The following C1QTNF3 variants were observed in gnomAD, a reference collection of about 807,000 sequenced individuals.
C1QTNF3 encodes C1q and TNF related 3.
A neutral mutation model predicts 32.6 loss-of-function variants in C1QTNF3; 26 were observed. The observed-to-expected ratio is 0.80, with a 90% CI of 0.58 to 1.11. The LOEUF (loss-of-function observed/expected upper bound fraction) is 1.11. Among genes scored for constraint, C1QTNF3 ranks in the 50% least tolerant of loss-of-function variants. The pLI is 0.00. For synonymous variants in C1QTNF3, 155 were observed against 146.0 expected (o/e 1.06, Z -0.44); for missense variants, 362 against 398.2 (o/e 0.91, Z 0.77).
At chr5:34,142,174 G>A in the C1QTNF3 span, among the ~76,000 whole-genome samples, 7 of 152,220 alleles carry the variant, frequency 4.6e-5, no homozygotes, top group Admixed American at 4.6e-4. Context: ...GCTCATGCCT[G>A]TAATCCCAGC....
chr5:34,023,215 G>T (rs1190907747), intron 5 of C1QTNF3, among the ~76,000 whole-genome samples: 1 of 152,090 alleles, frequency 6.6e-6, no homozygotes, highest in African/African-American at 2.4e-5. Flanking sequence ...CAAAAAACAG[G>T]AAGAATAAAC....
intron 4 of C1QTNF3, 168 bp from the exon 5 acceptor site, chr5:34,024,176 C>T: frequency 1.7e-6 from 1 of 591,520 alleles, no homozygotes; most frequent in Non-Finnish European, 3.0e-6. Context: ...ATATCTACTC[C>T]CCTTCCAAGT....
At chr5:34,148,276 G>A in the C1QTNF3 span, among the ~76,000 whole-genome samples, 1,730 of 138,432 alleles carry the variant, frequency 0.012, 43 homozygotes, top group African/African-American at 0.046. Flanking sequence ...ACGAGGCTGG[G>A]GGAGGGGCGC....
At chr5:34,052,642 G>C in the C1QTNF3 span, among the ~76,000 whole-genome samples, 147 of 152,308 alleles carry the variant, frequency 9.7e-4, 1 homozygote, top group Non-Finnish European at 1.6e-4. Context: ...TTACATGGTT[G>C]TTGTGAAGAT....
the C1QTNF3 span, among the ~76,000 whole-genome samples, chr5:34,139,894 C>T: frequency 6.6e-6 from 1 of 152,182 alleles, no homozygotes; most frequent in African/African-American, 2.4e-5. Flanking sequence ...GAGCAAATCA[C>T]GTAGGTGCTT....
intron 4 of C1QTNF3, among the ~76,000 whole-genome samples, chr5:34,027,868 T>C (rs1754507185): frequency 6.6e-6 from 1 of 151,296 alleles, no homozygotes; most frequent in Non-Finnish European, 1.5e-5. Context: ...ATTTCTAAAA[T>C]ATATTGTTAG....
At chr5:34,233,077 T>C in the C1QTNF3 span, among the ~76,000 whole-genome samples, 1 of 151,338 alleles carries the variant, frequency 6.6e-6, no homozygotes, top group Admixed American at 6.6e-5. Flanking sequence ...CTATTCACTA[T>C]ATTCTAGAAT....
chr5:34,030,950 G>A (rs958975138), intron 3 of C1QTNF3, among the ~76,000 whole-genome samples: 1 of 152,168 alleles, frequency 6.6e-6, no homozygotes, highest in African/African-American at 2.4e-5. Flanking sequence ...AAGGTGGGAG[G>A]AGGGAGAGAA....
At chr5:34,090,499 TACTC>T in the C1QTNF3 span, among the ~76,000 whole-genome samples, 10 of 151,404 alleles carry the variant, frequency 6.6e-5, no homozygotes, top group Non-Finnish European at 1.2e-4. Flanking sequence ...ATAGAGCAGA[TACTC>T]ACCCCCAAAA....
Position 34,019,626 on chromosome 5 carries a change from C to T in C1QTNF3, c.*957G>A, listed in dbSNP as rs1338877976. On this transcript the variant is annotated 3_prime_UTR_variant, in exon 6 of 6. Transcript: ENST00000382065. ...CACATCATCTGCATGAAAATATTTTCACTTTCTGTTAACCATAGTGATTTA... is the reference window on the plus strand; with the variant it reads ...CACATCATCTGCATGAAAATATTTTTACTTTCTGTTAACCATAGTGATTTA... The T allele has an allele frequency of 6.6e-6, 1 of 152,190 alleles. No individual in the cohort carries two copies. Among genetic ancestry groups the T allele is most frequent in the Non-Finnish European group, 1.5e-5 (1 of 68,032 alleles). The allele number at this position is 152,190 out of a possible 1,614,324, so 9.4% of individuals were successfully genotyped here. A position where few individuals can be genotyped will look rare whatever the true frequency, so the allele number is the denominator to read the frequency against.
chr5:34,164,845 A>G, the C1QTNF3 span: 1 of 141,468 alleles, frequency 7.1e-6, no homozygotes, highest in Non-Finnish European at 1.6e-5. Flanking sequence ...CACACACACG[A>G]AAAGCCTGTA....
At chr5:34,147,193 C>T in the C1QTNF3 span, among the ~76,000 whole-genome samples, 15 of 152,156 alleles carry the variant, frequency 9.9e-5, no homozygotes, top group African/African-American at 1.9e-4. Flanking sequence ...ATAGGGAATG[C>T]GCATACACTG....
chr5:34,056,716 G>A, the C1QTNF3 span, among the ~76,000 whole-genome samples: 2 of 151,646 alleles, frequency 1.3e-5, no homozygotes, highest in African/African-American at 4.8e-5. Flanking sequence ...TCACTATGTT[G>A]CCCAGGCTAG....
At chr5:34,231,701 G>GAAA in the C1QTNF3 span, among the ~76,000 whole-genome samples, 1 of 152,008 alleles carries the variant, frequency 6.6e-6, no homozygotes, top group African/African-American at 2.4e-5. Context: ...TTGAGGTTTG[G>GAAA]GAACCTCCAT....
chr5:34,239,701 C>T, the C1QTNF3 span, among the ~76,000 whole-genome samples: 2 of 152,198 alleles, frequency 1.3e-5, no homozygotes, highest in African/African-American at 4.8e-5. Context: ...GAGACTTCAA[C>T]ACCCCCGCTG....
chr5:34,021,967 A>G (rs1379342498), intron 5 of C1QTNF3, among the ~76,000 whole-genome samples: 2 of 152,226 alleles, frequency 1.3e-5, no homozygotes, highest in East Asian at 3.8e-4. Context: ...AATCAAGTAG[A>G]CACAGCTGTG....
the C1QTNF3 span, among the ~76,000 whole-genome samples, chr5:34,052,404 T>C: frequency 6.6e-6 from 1 of 152,238 alleles, no homozygotes; most frequent in Non-Finnish European, 1.5e-5. Flanking sequence ...ATCTTTATTT[T>C]CTTACTACTG....
At chr5:34,137,515 T>C in the C1QTNF3 span, among the ~76,000 whole-genome samples, 2 of 152,266 alleles carry the variant, frequency 1.3e-5, no homozygotes, top group South Asian at 2.1e-4. Context: ...CACAGTATTT[T>C]TTCAAAGTCT....
chr5:34,218,055 A>G, the C1QTNF3 span, among the ~76,000 whole-genome samples: 3 of 150,922 alleles, frequency 2.0e-5, no homozygotes, highest in African/African-American at 7.3e-5. Context: ...GTTCAGTTTG[A>G]TAGTAGAAAG....
Sources: gnomAD v4.1 joint callset for allele counts (sites outside exome capture counted in the v4.1 genomes callset) on GRCh38, gnomAD v4.1.1 for gene constraint, MANE v1.5 for transcripts, NCBI Gene and HGNC (gene_info 2026-07-23, HGNC 2026-07-21) for gene names.